METAP1: variants seen among roughly 807,000 people sequenced by gnomAD.
The protein encoded by METAP1 is methionine aminopeptidase 1.
A neutral mutation model predicts 53.8 loss-of-function variants in METAP1; 28 were observed. That is an observed-to-expected ratio of 0.52 (90% CI 0.39 to 0.71). METAP1 has a LOEUF of 0.71. Among genes scored for constraint, METAP1 ranks in the 30% least tolerant of loss-of-function variants. The probability of loss-of-function intolerance (pLI) is 0.00; values close to 1 mark genes in which losing one functional copy is unlikely to be tolerated. For synonymous variants in METAP1, 181 were observed against 165.7 expected (o/e 1.09, Z -0.71); for missense variants, 389 against 479.8 (o/e 0.81, Z 1.77).
intron 1 of METAP1, among the ~76,000 whole-genome samples, chr4:99,028,640 T>G (rs1044831457): frequency 1.3e-5 from 2 of 152,206 alleles, no homozygotes; most frequent in Non-Finnish European, 2.9e-5. Context: ...TTATATAACA[T>G]TTAGCCTAAT....
chr4:99,042,271 AT>A (rs764024610), intron 6 of METAP1, among the ~76,000 whole-genome samples: 9,776 of 145,378 alleles, frequency 0.067, 1,015 homozygotes, highest in African/African-American at 0.22. Context: ...TGGTTGTAAG[AT>A]TTTTTTTTTT....
chr4:99,013,992 C>G lies in METAP1; in HGVS notation c.115-14875C>G, dbSNP rs77383136. On this transcript the variant is annotated intron_variant, in intron 1 of 10. Coordinates refer to ENST00000296411, the MANE Select transcript of METAP1 (RefSeq NM_015143.3). The stretch of plus-strand genomic sequence containing the variant: ...TCTCTGCTTTGTTGTTTGGCTTGAT[C>G]CCCTAATAAAAGCAACCTTTCCGAA... 1.3e-3 allele frequency among the ~76,000 whole-genome samples: 198 copies of G among 152,256 alleles called. 4 individuals carry two copies. The East Asian group carries it at 0.035, about 27-fold the overall frequency.
intron 1 of METAP1, among the ~76,000 whole-genome samples, chr4:99,013,697 G>C (rs1331152694): frequency 1.3e-5 from 2 of 152,222 alleles, no homozygotes; most frequent in East Asian, 1.9e-4. Context: ...TAAATAGGAC[G>C]AAGGGAAAAA....
At chr4:99,046,307 G>A (rs1035201043) in intron 8 of METAP1, among the ~76,000 whole-genome samples, 3 of 152,026 alleles carry the variant, frequency 2.0e-5, no homozygotes, top group African/African-American at 7.2e-5. Context: ...CCAGCTACTC[G>A]GGAGGCTGAG....
At chr4:99,038,092 T>C (rs1490669639) in intron 4 of METAP1, among the ~76,000 whole-genome samples, 1 of 152,010 alleles carries the variant, frequency 6.6e-6, no homozygotes, top group Non-Finnish European at 1.5e-5. Flanking sequence ...ATTTTTTAGC[T>C]GATTATTTGT....
At chr4:99,056,106 C>G (rs1415220187) in intron 9 of METAP1, among the ~76,000 whole-genome samples, 1 of 151,860 alleles carries the variant, frequency 6.6e-6, no homozygotes, top group African/African-American at 2.4e-5. Flanking sequence ...TTAGACCATT[C>G]CTGGAAAGAG....
At chr4:99,060,830 A>G (rs527998451) in intron 10 of METAP1, among the ~76,000 whole-genome samples, 1 of 152,320 alleles carries the variant, frequency 6.6e-6, no homozygotes, top group South Asian at 2.1e-4. Flanking sequence ...GATACATATA[A>G]TGATACATAT....
In METAP1 at chr4:99,007,375, AC is replaced by A. The variant is rs550647188; in HGVS notation, c.114+11509del. On this transcript the variant is annotated intron_variant, in intron 1 of 10. Coordinates refer to ENST00000296411, the MANE Select transcript of METAP1 (RefSeq NM_015143.3). Reference sequence around the variant, plus strand: ...GCAGATCACCATTGATTGCACAGGTACTTTTTTTTAACCTCACAATTGGCAT... The same window carrying A: ...GCAGATCACCATTGATTGCACAGGTATTTTTTTTAACCTCACAATTGGCAT... Among the ~76,000 whole-genome samples, 20 of 152,276 alleles carry A rather than the reference AC, an allele frequency of 1.3e-4. No homozygotes were observed. The South Asian group carries it at 3.9e-3, about 30-fold the overall frequency.
At chr4:99,035,231 G>C (rs1185490418) in intron 3 of METAP1, among the ~76,000 whole-genome samples, 169 bp from the exon 4 acceptor site, 1 of 152,060 alleles carries the variant, frequency 6.6e-6, no homozygotes, top group African/African-American at 2.4e-5. Flanking sequence ...CTGCAAAAGG[G>C]GTGGCATTAC....
chr4:98,996,343 G>A (rs1002529113), intron 1 of METAP1, among the ~76,000 whole-genome samples: 4 of 152,214 alleles, frequency 2.6e-5, no homozygotes, highest in South Asian at 4.1e-4. Flanking sequence ...CCTGCGGGGT[G>A]GGGGGCTGAA....
chr4:99,019,099 A>G (rs555076827), intron 1 of METAP1, among the ~76,000 whole-genome samples: 1 of 152,338 alleles, frequency 6.6e-6, no homozygotes, highest in Non-Finnish European at 1.5e-5. Flanking sequence ...ATTGAATATT[A>G]GCTGCCTCAT....
At chr4:99,000,694 TTC>T (rs1217094478) in intron 1 of METAP1, among the ~76,000 whole-genome samples, 14 of 150,790 alleles carry the variant, frequency 9.3e-5, no homozygotes, top group Admixed American at 3.3e-4. Context: ...ACAGTTTTTC[TTC>T]TCTCTCTCTC....
At chr4:98,996,429 C>T (rs1441639140) in intron 1 of METAP1, among the ~76,000 whole-genome samples, 1 of 152,230 alleles carries the variant, frequency 6.6e-6, no homozygotes, top group South Asian at 2.1e-4. Flanking sequence ...CTAGCTAGCT[C>T]CAGCCCCACT....
intron 8 of METAP1, among the ~76,000 whole-genome samples, chr4:99,046,433 T>C (rs1407899960): frequency 6.6e-6 from 1 of 152,150 alleles, no homozygotes; most frequent in African/African-American, 2.4e-5. Flanking sequence ...AGGAAAGTTC[T>C]TAACAGCATC....
At chr4:99,060,557 G>A (rs1035768257) in intron 10 of METAP1, among the ~76,000 whole-genome samples, 1 of 151,832 alleles carries the variant, frequency 6.6e-6, no homozygotes, top group African/African-American at 2.4e-5. Context: ...TAGAGATGGG[G>A]TTTCACTGTG....
intron 1 of METAP1, chr4:99,026,289 T>A (rs1003632406): frequency 3.0e-6 from 3 of 984,854 alleles, no homozygotes; most frequent in African/African-American, 3.5e-5. Context: ...CTACTAGTTA[T>A]AATAATGCTT....
intron 2 of METAP1, among the ~76,000 whole-genome samples, chr4:99,032,869 A>C (rs1725146163): frequency 6.6e-6 from 1 of 152,236 alleles, no homozygotes; most frequent in Non-Finnish European, 1.5e-5. Flanking sequence ...ATTAACATTC[A>C]CAGTGGCTTT....
At chr4:99,035,031 A>G (rs1284396045) in intron 3 of METAP1, among the ~76,000 whole-genome samples, 2 of 152,200 alleles carry the variant, frequency 1.3e-5, no homozygotes, top group African/African-American at 4.8e-5. Flanking sequence ...GAAAAGCATA[A>G]CAAAATCTCC....
chr4:99,048,751 A>G lies in METAP1; in HGVS notation c.806A>G (p.Tyr269Cys). The G allele has an allele frequency of 6.2e-7, 1 of 1,613,994 alleles. No individual in the cohort carries two copies. Among genetic ancestry groups the G allele is most frequent in the Non-Finnish European group, 8.5e-7 (1 of 1,179,866 alleles). Reference sequence around the variant, plus strand: ...CTTTCAGTGAAGCCTGGTGTTCGGTACAGAGAATTGGGAAACATTATCCAG... The same window carrying G: ...CTTTCAGTGAAGCCTGGTGTTCGGTGCAGAGAATTGGGAAACATTATCCAG... ...AIDAVKPGVRYRELGNIIQKH... is the reference protein window; with the variant it reads ...AIDAVKPGVRCRELGNIIQKH... Residue 269 changes from tyrosine to cysteine, a missense_variant, in exon 9 of 11, where the codon TAC (tyrosine) becomes TGC (cysteine). Physicochemically the swap from Tyr to Cys is radical, Grantham distance 194 (BLOSUM62 -2). Coordinates refer to ENST00000296411, the MANE Select transcript of METAP1 (RefSeq NM_015143.3).
Sources: allele counts gnomAD v4.1 joint callset (sites outside exome capture counted in the v4.1 genomes callset), GRCh38; gene constraint gnomAD v4.1.1; transcripts MANE v1.5; gene names NCBI Gene and HGNC (gene_info 2026-07-23, HGNC 2026-07-21).